The following SIGLEC7 variants were observed in gnomAD, a reference collection of about 807,000 sequenced individuals.
SIGLEC7 encodes the protein sialic acid-binding Ig-like lectin 7.
Under a neutral mutation model 40.8 loss-of-function variants are expected in SIGLEC7, and 33 were observed. The ratio of observed to expected loss-of-function variants is 0.81; its 90% CI spans 0.61 to 1.08. The LOEUF (loss-of-function observed/expected upper bound fraction) is 1.08. Among genes scored for constraint, SIGLEC7 ranks in the 50% least tolerant of loss-of-function variants. SIGLEC7 has a pLI of 0.00. For synonymous variants in SIGLEC7, 242 were observed against 237.6 expected (o/e 1.02, Z -0.17); for missense variants, 513 against 576.1 (o/e 0.89, Z 1.12).
Position 51,153,300 on chromosome 19 carries a change from G to A in SIGLEC7, c.*55G>A. 1.5e-6 allele frequency: 2 copies of A among 1,350,158 alleles called. No individual in the cohort carries two copies. Among genetic ancestry groups the A allele is most frequent in the Non-Finnish European group, 2.0e-6 (2 of 1,008,616 alleles). The allele number at this position is 1,350,158 out of a possible 1,614,324, so 83.6% of individuals were successfully genotyped here. A position where few individuals can be genotyped will look rare whatever the true frequency, so the allele number is the denominator to read the frequency against. ...GGTTCACGACCCCTCCAGCAAAGGAGTCTGAGGCTGATTCCAGTAGAATTA... is the reference window on the plus strand; with the variant it reads ...GGTTCACGACCCCTCCAGCAAAGGAATCTGAGGCTGATTCCAGTAGAATTA... On this transcript the variant is annotated 3_prime_UTR_variant, in exon 7 of 7. Transcript: ENST00000317643.
Position 51,145,294 on chromosome 19 carries a change from G to A in SIGLEC7, c.760+335G>A, listed in dbSNP as rs1271237836. Among the ~76,000 whole-genome samples, 2 of 152,170 alleles carry A rather than the reference G, an allele frequency of 1.3e-5. No individual in the cohort carries two copies. The highest frequency in any genetic ancestry group is 2.9e-5 in the Non-Finnish European group (2 of 68,036). Reference sequence around the variant, plus strand: ...ATTTTACCCAATAGTTTTGAGCTACGTTCTTTTGGATACATGCTATAATCA... The same window carrying A: ...ATTTTACCCAATAGTTTTGAGCTACATTCTTTTGGATACATGCTATAATCA... On this transcript the variant is annotated intron_variant, in intron 3 of 6. Transcript: ENST00000317643. The surrounding 1 kb of genome is among the most constrained non-coding windows in gnomAD (Gnocchi z 4.3).
At chr19:51,149,294 A>C (rs537003501) in intron 6 of SIGLEC7, among the ~76,000 whole-genome samples, 1 of 152,212 alleles carries the variant, frequency 6.6e-6, no homozygotes, top group Non-Finnish European at 1.5e-5. Flanking sequence ...TGAGTTTTAC[A>C]TTTAAGTTTT....
rs753052200 is a variant in SIGLEC7 at position 51,142,369 on chromosome 19, T to A, written c.-1T>A. ...CGGCCCTGGCACCTCCAACCCCAGATATGCTGCTGCTGCTGCTGCTGCCCC... is the reference window on the plus strand; with the variant it reads ...CGGCCCTGGCACCTCCAACCCCAGAAATGCTGCTGCTGCTGCTGCTGCCCC... On this transcript the variant is annotated 5_prime_UTR_variant, in exon 1 of 7. Coordinates refer to ENST00000317643, the MANE Select transcript of SIGLEC7 (RefSeq NM_014385.4). The surrounding 1 kb of genome is among the most constrained non-coding windows in gnomAD (Gnocchi z 5.0). 2 of 1,612,768 alleles carry A rather than the reference T, an allele frequency of 1.2e-6. No homozygotes were observed. Among genetic ancestry groups the A allele is most frequent in the Non-Finnish European group, 1.7e-6 (2 of 1,179,204 alleles).
At chr19:51,144,082 C>A in intron 1 of SIGLEC7, 2 of 639,102 alleles carry the variant, frequency 3.1e-6, no homozygotes, top group Non-Finnish European at 3.0e-6. Context: ...TGAAGACCAA[C>A]AACTGCTCCC....
rs1361692461 is a variant in SIGLEC7 at position 51,147,251 on chromosome 19, G to A, written c.1155G>A (p.Arg385=). ...GGTCCTGCAGGAAGAAATCGGCAAG[G>A]CCAGCAGCGGACGTGGGAGACATAG... ...VVRSCRKKSA[R]PAADVGDIGM... Residue 385 remains arginine (R), a synonymous_variant, in exon 6 of 7, where the codon AGG becomes AGA. Coordinates refer to ENST00000317643, the MANE Select transcript of SIGLEC7 (RefSeq NM_014385.4). 1 of 1,612,702 alleles carries A rather than the reference G, an allele frequency of 6.2e-7. No individual in the cohort carries two copies. The highest frequency in any genetic ancestry group is 1.1e-5 in the South Asian group (1 of 91,056).
At position 51,142,344 on chromosome 19, in the gene SIGLEC7, C is replaced by T. The variant is rs779965667; in HGVS notation, c.-26C>T. 40 of 1,604,474 alleles carry T rather than the reference C, an allele frequency of 2.5e-5. No individual in the cohort carries two copies. The Middle Eastern group carries it at 6.6e-4, about 27-fold the overall frequency. On this transcript the variant is annotated 5_prime_UTR_variant, in exon 1 of 7. Coordinates refer to ENST00000317643, the MANE Select transcript of SIGLEC7 (RefSeq NM_014385.4). The surrounding 1 kb of genome is among the most constrained non-coding windows in gnomAD (Gnocchi z 5.0). The stretch of plus-strand genomic sequence containing the variant: ...ACCCTGAGGAACAGACGTTCCCTCG[C>T]GGCCCTGGCACCTCCAACCCCAGAT...
chr19:51,148,151 G>A (rs1451528867), intron 6 of SIGLEC7, among the ~76,000 whole-genome samples: 1 of 152,020 alleles, frequency 6.6e-6, no homozygotes, highest in African/African-American at 2.4e-5. Flanking sequence ...AATTTAAGAA[G>A]GTGCCAAAAA....
intron 6 of SIGLEC7, among the ~76,000 whole-genome samples, chr19:51,149,638 T>A (rs948461027): frequency 6.6e-6 from 1 of 152,294 alleles, no homozygotes; most frequent in East Asian, 1.9e-4. Context: ...ATTTGGGCAC[T>A]TTTTTGGTTT....
At chr19:51,152,688 C>G (rs1404078392) in intron 6 of SIGLEC7, among the ~76,000 whole-genome samples, 4 of 152,184 alleles carry the variant, frequency 2.6e-5, no homozygotes, top group Admixed American at 1.3e-4. Context: ...GTCCATCCAG[C>G]ACCCGGATCA....
intron 6 of SIGLEC7, 150 bp from the exon 7 acceptor site, chr19:51,152,913 G>C (rs2092153179): frequency 1.9e-6 from 1 of 515,260 alleles, no homozygotes; most frequent in African/African-American, 1.9e-5. Flanking sequence ...TCTATAAAAT[G>C]AACGTGGGAT....
intron 6 of SIGLEC7, among the ~76,000 whole-genome samples, chr19:51,148,523 C>CT (rs2092123708): frequency 6.6e-6 from 1 of 152,154 alleles, no homozygotes; most frequent in South Asian, 2.1e-4. Context: ...TAATCTCATT[C>CT]TTTTTTATGG....
Position 51,142,762 on chromosome 19 carries a change from A to G in SIGLEC7, c.393A>G (p.Lys131=). The change falls in exon 1 of 7, where the codon AAA becomes AAG. Residue 131 remains lysine, a synonymous_variant. Transcript: ENST00000317643. This position sits in a 1 kb window ranked among gnomAD's most constrained non-coding sequence, Gnocchi z 5.0. ...YFFRMEKGNI[K]WNYKYDQLSV... is the part of the protein sequence containing the mutation. ...TTCGTATGGAGAAAGGAAATATAAA[A>G]TGGAATTATAAATATGACCAGCTCT... 1 of 1,610,562 alleles carries G rather than the reference A, an allele frequency of 6.2e-7. No individual in the cohort carries two copies. Among genetic ancestry groups the G allele is most frequent in the Non-Finnish European group, 8.5e-7 (1 of 1,177,968 alleles).
At chr19:51,150,462 T>C (rs536328001) in intron 6 of SIGLEC7, among the ~76,000 whole-genome samples, 2 of 152,362 alleles carry the variant, frequency 1.3e-5, no homozygotes, top group South Asian at 2.1e-4. Context: ...GATTTGTGTA[T>C]GTTGAACCAA....
In SIGLEC7 at chr19:51,146,055, C is replaced by T. The variant is rs189664399; in HGVS notation, c.961C>T (p.Arg321Ter). 207 of 1,614,212 alleles carry T rather than the reference C, an allele frequency of 1.3e-4. 1 individual carries two copies. In the East Asian group the frequency reaches 2.7e-3, roughly 21 times the overall value. The change falls in exon 4 of 7, where the codon CGA (arginine) becomes TGA (stop). Residue 321 changes from arginine (R) to a stop codon, truncating the protein, a stop_gained. Transcript: ENST00000317643. LOFTEE classifies it high-confidence loss of function. The part of the protein sequence containing the change: ...HLGDEGEFTC[R>*]AQNSLGSQHV... Reference sequence around the variant, plus strand: ...GGGGGATGAAGGGGAATTCACCTGTCGAGCTCAGAACTCTCTGGGTTCCCA... The same window carrying T: ...GGGGGATGAAGGGGAATTCACCTGTTGAGCTCAGAACTCTCTGGGTTCCCA...
At position 51,144,393 on chromosome 19, in the gene SIGLEC7, C is replaced by A. The variant is rs778451574; in HGVS notation, c.434-13C>A. The A allele has an allele frequency of 1.3e-6, 2 of 1,597,334 alleles. No homozygotes were observed. Among genetic ancestry groups the A allele is most frequent in the East Asian group, 2.2e-5 (1 of 44,838 alleles). On this transcript the variant is annotated splice_polypyrimidine_tract_variant and intron_variant, in intron 1 of 6. Transcript: ENST00000317643. ...TCCTCTGTCCTGATCCTGAGTCCCCCTCTCTTCACCAGCCTTGACCCACAG... is the reference window on the plus strand; with the variant it reads ...TCCTCTGTCCTGATCCTGAGTCCCCATCTCTTCACCAGCCTTGACCCACAG...
In SIGLEC7 at chr19:51,145,995, T is replaced by A; in HGVS notation, c.901T>A (p.Ser301Thr). 1 of 1,614,172 alleles carries A rather than the reference T, an allele frequency of 6.2e-7. No individual in the cohort carries two copies. Among genetic ancestry groups the A allele is most frequent in the Non-Finnish European group, 8.5e-7 (1 of 1,180,020 alleles). ...RSLTLYPSQP[S>T]NPLVLELQVH... ...TCTGACCCTGTACCCCTCACAGCCC[T>A]CAAACCCTCTGGTACTGGAGCTGCA... The change falls in exon 4 of 7, where the codon TCA becomes ACA. Residue 301 changes from serine (S) to threonine (T), a missense_variant. By Grantham distance (58) the Ser-to-Thr change is moderately conservative. Coordinates refer to ENST00000317643, the MANE Select transcript of SIGLEC7 (RefSeq NM_014385.4). This position sits in a 1 kb window ranked among gnomAD's most constrained non-coding sequence, Gnocchi z 4.3.
In SIGLEC7 at chr19:51,145,916, G is replaced by C. The variant is rs758218945; in HGVS notation, c.822G>C (p.Leu274Phe). 6.2e-6 allele frequency: 10 copies of C among 1,614,204 alleles called. No individual in the cohort carries two copies. Among genetic ancestry groups the C allele is most frequent in the Admixed American group, 3.3e-5 (2 of 60,026 alleles). ...TCCTAGAGGGCCAGTCTCTGCGCTT[G>C]GTCTGTGCTGTTGACAGCAATCCCC... is the stretch of plus-strand genomic sequence containing the variant. ...LSVLEGQSLR[L>F]VCAVDSNPPA... Residue 274 changes from leucine to phenylalanine, a missense_variant, in exon 4 of 7, where the codon TTG (leucine) becomes TTC (phenylalanine). Leu to Phe is a conservative substitution (Grantham distance 22). Coordinates refer to ENST00000317643, the MANE Select transcript of SIGLEC7 (RefSeq NM_014385.4). This position sits in a 1 kb window ranked among gnomAD's most constrained non-coding sequence, Gnocchi z 4.3.
In SIGLEC7 at chr19:51,144,447, G is replaced by C. The variant is rs1407328038; in HGVS notation, c.475G>C (p.Glu159Gln). ...RPNILIPGTL[E>Q]SGCFQNLTCS... is the part of the protein sequence containing the mutation. ...CAACATCCTTATCCCCGGTACCCTGGAGTCTGGCTGCTTCCAGAATCTGAC... is the reference window on the plus strand; with the variant it reads ...CAACATCCTTATCCCCGGTACCCTGCAGTCTGGCTGCTTCCAGAATCTGAC... The change falls in exon 2 of 7, where the codon GAG (glutamate) becomes CAG (glutamine). Residue 159 changes from glutamate (E) to glutamine (Q), a missense_variant. Physicochemically the swap from Glu to Gln is conservative, Grantham distance 29. Transcript: ENST00000317643. The C allele has an allele frequency of 1.9e-6, 3 of 1,613,136 alleles. No homozygotes were observed. Among genetic ancestry groups the C allele is most frequent in the African/African-American group, 1.3e-5 (1 of 75,036 alleles).
intron 6 of SIGLEC7, 36 bp downstream of exon 6, chr19:51,147,353 G>A (rs1400313799): frequency 3.2e-6 from 5 of 1,569,930 alleles, no homozygotes; most frequent in African/African-American, 1.4e-5. Context: ...CCAGCATCCA[G>A]CTGGGACATC....
Sources: gnomAD v4.1 joint callset for allele counts (sites outside exome capture counted in the v4.1 genomes callset) on GRCh38, gnomAD v4.1.1 for gene constraint, Gnocchi (gnomAD v3.1) non-coding constraint, MANE v1.5 for transcripts, NCBI Gene and HGNC (gene_info 2026-07-23, HGNC 2026-07-21) for gene names.